CAMK4: variants seen among roughly 807,000 people sequenced by gnomAD.
CAMK4 encodes calcium/calmodulin dependent protein kinase IV.
CAMK4 carries 22 observed loss-of-function variants against 44.9 expected under a neutral mutation model. The ratio of observed to expected loss-of-function variants is 0.49; its 90% CI spans 0.35 to 0.70. The LOEUF is 0.70. Among genes scored for constraint, CAMK4 ranks in the 30% least tolerant of loss-of-function variants. CAMK4 has a pLI of 0.01. For missense variants in CAMK4, 498 were observed against 586.8 expected (o/e 0.85, Z 1.56); for synonymous variants, 218 against 215.4 (o/e 1.01, Z -0.11).
At chr5:111,332,611 A>C (rs1749218034) in intron 1 of CAMK4, among the ~76,000 whole-genome samples, 1 of 151,554 alleles carries the variant, frequency 6.6e-6, no homozygotes, top group Non-Finnish European at 1.5e-5. Flanking sequence ...GCAATGAAAT[A>C]ACTTTTCTAG....
chr5:111,338,249 T>G (rs1237108125), intron 1 of CAMK4, among the ~76,000 whole-genome samples: 1 of 151,218 alleles, frequency 6.6e-6, no homozygotes, highest in Non-Finnish European at 1.5e-5. Context: ...ACTTAGAACT[T>G]AAGAACTACT....
At chr5:111,257,034 A>G (rs745995416) in intron 1 of CAMK4, among the ~76,000 whole-genome samples, 5 of 152,246 alleles carry the variant, frequency 3.3e-5, no homozygotes, top group African/African-American at 7.2e-5. Context: ...GTAAAACCCA[A>G]AACTGTAAAA....
intron 1 of CAMK4, among the ~76,000 whole-genome samples, chr5:111,342,831 A>G (rs1347119997): frequency 6.6e-6 from 1 of 151,650 alleles, no homozygotes; most frequent in East Asian, 1.9e-4. Flanking sequence ...TTTAAATAAT[A>G]TTAGACTACC....
intron 5 of CAMK4, among the ~76,000 whole-genome samples, chr5:111,405,421 T>C (rs899151066): frequency 1.3e-5 from 2 of 152,014 alleles, no homozygotes; most frequent in Non-Finnish European, 2.9e-5. Context: ...TGAGCTGAGA[T>C]TGCACCACCG....
Position 111,224,644 on chromosome 5 carries a change from G to C in CAMK4, c.161G>C (p.Arg54Pro). 1 of 1,603,780 alleles carries C rather than the reference G, an allele frequency of 6.2e-7. No individual in the cohort carries two copies. ...TTCGAGGTGGAGTCGGAGCTGGGAC[G>C]GTAAGGCGCGGGCTCCGGCTGGGGA... ...DFFEVESELG[R>P]GATSIVYRCK... The change falls in exon 1 of 11, where the codon CGG becomes CCG. Residue 54 changes from arginine to proline, a missense_variant and splice_region_variant. Transcript: ENST00000282356. The surrounding 1 kb of genome is among the most constrained non-coding windows in gnomAD (Gnocchi z 5.7).
chr5:111,245,197 A>G (rs1749179740), intron 1 of CAMK4, among the ~76,000 whole-genome samples: 1 of 152,154 alleles, frequency 6.6e-6, no homozygotes, highest in Non-Finnish European at 1.5e-5. Flanking sequence ...TATCTTTGAT[A>G]TTTATTCTTA....
intron 7 of CAMK4, among the ~76,000 whole-genome samples, chr5:111,453,862 T>C (rs1754321570): frequency 6.6e-6 from 1 of 152,106 alleles, no homozygotes; most frequent in South Asian, 2.1e-4. Flanking sequence ...ATAATTTGTG[T>C]GGGTTGCCTG....
intron 4 of CAMK4, among the ~76,000 whole-genome samples, chr5:111,385,382 G>C: frequency 1.3e-5 from 2 of 152,070 alleles, no homozygotes; most frequent in East Asian, 3.9e-4. Flanking sequence ...TTAGCAGGCA[G>C]AGGCCAGAAG....
intron 2 of CAMK4, 130 bp from the exon 3 acceptor site, chr5:111,374,718 GAC>G (rs1225811390): frequency 3.2e-5 from 20 of 630,926 alleles, no homozygotes; most frequent in Non-Finnish European, 4.6e-5. Flanking sequence ...AGAGGAAGGA[GAC>G]ACACAAAAGC....
At chr5:111,328,068 G>A (rs1748980184) in intron 1 of CAMK4, among the ~76,000 whole-genome samples, 1 of 121,246 alleles carries the variant, frequency 8.2e-6, no homozygotes, top group African/African-American at 3.6e-5. Flanking sequence ...TGGTGTTTTA[G>A]ACATGAAGTC....
At chr5:111,477,004 G>A (rs1755269242) in intron 8 of CAMK4, among the ~76,000 whole-genome samples, 1 of 152,190 alleles carries the variant, frequency 6.6e-6, no homozygotes, top group Admixed American at 6.5e-5. Flanking sequence ...CTAAGTCTAG[G>A]AAGCTGGCTC....
chr5:111,421,805 G>A (rs551667800), intron 5 of CAMK4, among the ~76,000 whole-genome samples: 15 of 152,220 alleles, frequency 9.9e-5, no homozygotes, highest in African/African-American at 2.2e-4. Flanking sequence ...TAATCCTCAC[G>A]TGTCATGGGA....
Position 111,484,270 on chromosome 5 carries a change from A to C in CAMK4, c.1226A>C (p.Asn409Thr). The change falls in exon 11 of 11, where the codon AAT becomes ACT. Residue 409 changes from asparagine to threonine, a missense_variant. Asn to Thr is a moderately conservative substitution (Grantham distance 65). Around this residue, in one of 3 missense-constraint regions of CAMK4, gnomAD observed 143 missense variants for 144.9 expected, o/e 0.99. Coordinates refer to ENST00000282356, the MANE Select transcript of CAMK4 (RefSeq NM_001744.6). The surrounding 1 kb of genome is among the most constrained non-coding windows in gnomAD (Gnocchi z 5.3). ...GAGAAAGTTAAAGGTGCAGATATAA[A>C]TGCTGAAGAGGCCCCCAAAATGGTG... ...ALEKVKGADI[N>T]AEEAPKMVPK... The C allele has an allele frequency of 6.2e-7, 1 of 1,614,114 alleles. No individual in the cohort carries two copies. Among genetic ancestry groups the C allele is most frequent in the Non-Finnish European group, 8.5e-7 (1 of 1,180,012 alleles).
intron 1 of CAMK4, among the ~76,000 whole-genome samples, chr5:111,229,774 C>T (rs966309329): frequency 3.9e-5 from 6 of 152,088 alleles, no homozygotes; most frequent in Non-Finnish European, 1.5e-5. Flanking sequence ...TTGTGCCAAC[C>T]CTGTCTTGTT....
At chr5:111,262,013 C>T (rs1226784022) in intron 1 of CAMK4, among the ~76,000 whole-genome samples, 1 of 151,898 alleles carries the variant, frequency 6.6e-6, no homozygotes, top group Non-Finnish European at 1.5e-5. Flanking sequence ...CTTTTGAGGT[C>T]TTAGGTCTGC....
At chr5:111,397,193 G>T (rs1292337371) in intron 5 of CAMK4, among the ~76,000 whole-genome samples, 1 of 152,192 alleles carries the variant, frequency 6.6e-6, no homozygotes, top group African/African-American at 2.4e-5. Context: ...GACAGAGCTA[G>T]GTTTGGTTTT....
chr5:111,324,606 G>T (rs1748796561), intron 1 of CAMK4, among the ~76,000 whole-genome samples: 1 of 151,904 alleles, frequency 6.6e-6, no homozygotes, highest in African/African-American at 2.4e-5. Flanking sequence ...CAAAGCTAGA[G>T]ATTTTAACAC....
rs1755610187 is a variant in CAMK4, at chr5:111,486,154, A to G, written c.*1688A>G. ...TAGACATTCTTCTTTTCAATCACAA[A>G]TCTCTCTCTACTACTGTTCTCATGG... On this transcript the variant is annotated 3_prime_UTR_variant, in exon 11 of 11. Transcript: ENST00000282356. 1 of 152,006 alleles carries G rather than the reference A, an allele frequency of 6.6e-6. No homozygotes were observed. The highest frequency in any genetic ancestry group is 6.6e-5 in the Admixed American group (1 of 15,248). 9.4% of individuals were successfully genotyped at this position (152,006 alleles called of 1,614,324 possible). A position where few individuals can be genotyped will look rare whatever the true frequency, so the allele number is the denominator to read the frequency against.
At chr5:111,244,471 A>T (rs760711427) in intron 1 of CAMK4, among the ~76,000 whole-genome samples, 3 of 152,226 alleles carry the variant, frequency 2.0e-5, no homozygotes, top group African/African-American at 7.2e-5. Flanking sequence ...TCTATGAGTG[A>T]TTTGGGGCTG....
Sources: gnomAD v4.1 joint callset for allele counts (sites outside exome capture counted in the v4.1 genomes callset) on GRCh38, gnomAD v4.1.1 for gene constraint, gnomAD v4.1.1 regional missense constraint, Gnocchi (gnomAD v3.1) non-coding constraint, MANE v1.5 for transcripts, NCBI Gene and HGNC (gene_info 2026-07-23, HGNC 2026-07-21) for gene names.